Variants in CACNA1C observed in about 807,000 individuals in gnomAD.
CACNA1C encodes voltage-dependent L-type calcium channel subunit alpha-1C.
In CACNA1C, 30 loss-of-function variants were observed where a neutral mutation model predicts 229.0. The ratio of observed to expected loss-of-function variants is 0.13; its 90% CI spans 0.10 to 0.18. The LOEUF (loss-of-function observed/expected upper bound fraction) is 0.18. Among genes scored for constraint, CACNA1C ranks in the 10% least tolerant of loss-of-function variants. The pLI is 1.00. For synonymous variants in CACNA1C, 1,114 were observed against 1,132.5 expected, an observed-to-expected ratio of 0.98 and a Z score of 0.33; for missense variants, 1,658 against 2,845.0, an observed-to-expected ratio of 0.58 and a Z score of 9.49.
At position 2,688,988 on chromosome 12, in the gene CACNA1C, C is replaced by G. The variant is rs1269889451; in HGVS notation, c.6117+209C>G. Among the ~76,000 whole-genome samples, 5 of 152,288 alleles carry G rather than the reference C, an allele frequency of 3.3e-5. No individual in the cohort carries two copies. The South Asian group carries it at 1.0e-3, about 32-fold the overall frequency. ...TGCTATGGGCTCTCTTGAGGCTGGG[C>G]CCACTGCAGAGGGCGGCAGAAACCA... On this transcript the variant is annotated intron_variant, in intron 46 of 46. Transcript: ENST00000399655.
intron 3 of CACNA1C, among the ~76,000 whole-genome samples, chr12:2,173,525 A>G (rs985556729): frequency 2.6e-5 from 4 of 152,190 alleles, no homozygotes; most frequent in Admixed American, 1.3e-4. Flanking sequence ...CTTATGATCT[A>G]TGAGATGTAT....
intron 3 of CACNA1C, among the ~76,000 whole-genome samples, chr12:2,399,953 G>T (rs2098653699): frequency 6.6e-6 from 1 of 152,194 alleles, no homozygotes; most frequent in Non-Finnish European, 1.5e-5. Flanking sequence ...CCAGGGGTTT[G>T]ATTCCCCCTT....
intron 29 of CACNA1C, among the ~76,000 whole-genome samples, chr12:2,627,353 G>C (rs2087340410): frequency 6.6e-6 from 1 of 152,068 alleles, no homozygotes; most frequent in Non-Finnish European, 1.5e-5. Flanking sequence ...ATCTCTGCTT[G>C]GTGTCGGTTA....
chr12:2,232,967 C>T (rs1448921185), intron 3 of CACNA1C, among the ~76,000 whole-genome samples: 1 of 152,176 alleles, frequency 6.6e-6, no homozygotes. Flanking sequence ...TTTGGGACCA[C>T]AAGATATTCC....
At chr12:2,164,035 G>A (rs2096071249) in intron 3 of CACNA1C, among the ~76,000 whole-genome samples, 1 of 152,120 alleles carries the variant, frequency 6.6e-6, no homozygotes, top group African/African-American at 2.4e-5. Context: ...TCTATCCCTA[G>A]GGCCTGGAGT....
intron 3 of CACNA1C, among the ~76,000 whole-genome samples, chr12:2,353,935 T>C (rs1446198436): frequency 1.3e-5 from 2 of 152,182 alleles, no homozygotes; most frequent in Non-Finnish European, 2.9e-5. Flanking sequence ...GCAGTGGGCC[T>C]TCTGTGTGTG....
intron 3 of CACNA1C, among the ~76,000 whole-genome samples, chr12:2,279,120 T>C (rs915093916): frequency 6.6e-6 from 1 of 152,232 alleles, no homozygotes; most frequent in African/African-American, 2.4e-5. Flanking sequence ...TCTTTATATA[T>C]TCTGGCTGGC....
rs568735629 is a variant in CACNA1C at position 2,457,215 on chromosome 12, T to C, written c.618-352T>C. ...ACCTGGGAGGGGCGCTAGGATACCA[T>C]GGAGAAGCCGGAGGGCTCCTCAAGG... On this transcript the variant is annotated intron_variant, in intron 4 of 46. Coordinates refer to ENST00000399655, the MANE Select transcript of CACNA1C (RefSeq NM_000719.7). Among the ~76,000 whole-genome samples, 171 of 152,328 alleles carry C rather than the reference T, an allele frequency of 1.1e-3. 1 individual carries two copies. The highest frequency in any genetic ancestry group is 3.9e-3 in the African/African-American group (162 of 41,570).
rs1235798697 is a variant in CACNA1C, at chr12:2,283,914, G to A, written c.477+163484G>A. ...AGCAGATATTAGATATGGCTGGTGG[G>A]GAGGAGTAAGGAGGGCCTTGGCTAT... On this transcript the variant is annotated intron_variant, in intron 3 of 46. Coordinates refer to ENST00000399655, the MANE Select transcript of CACNA1C (RefSeq NM_000719.7). Among the ~76,000 whole-genome samples, 3 of 152,336 alleles carry A rather than the reference G, an allele frequency of 2.0e-5. No individual in the cohort carries two copies. In the East Asian group the frequency reaches 5.8e-4, roughly 29 times the overall value.
At chr12:2,248,622 C>A (rs2074306329) in intron 3 of CACNA1C, among the ~76,000 whole-genome samples, 1 of 152,202 alleles carries the variant, frequency 6.6e-6, no homozygotes, top group Non-Finnish European at 1.5e-5. Context: ...TGATCATCCC[C>A]AAGGCAGTGC....
chr12:2,164,658 G>A (rs548380721), intron 3 of CACNA1C, among the ~76,000 whole-genome samples: 1 of 152,338 alleles, frequency 6.6e-6, no homozygotes, highest in South Asian at 2.1e-4. Context: ...GAATGAGGGA[G>A]TGTTGAGTAG....
chr12:2,255,348 T>G (rs994406631), intron 3 of CACNA1C, among the ~76,000 whole-genome samples: 7 of 151,980 alleles, frequency 4.6e-5, no homozygotes, highest in Non-Finnish European at 8.8e-5. Context: ...GTGTGGAGTT[T>G]GCTAACAGAC....
intron 1 of CACNA1C, chr12:2,010,758 G>T (rs2044257191): frequency 1.3e-5 from 2 of 152,124 alleles, no homozygotes; most frequent in African/African-American, 4.8e-5. Flanking sequence ...GAGATCATTG[G>T]CTTAAAATGC....
At chr12:2,252,461 G>A (rs1451631787) in intron 3 of CACNA1C, among the ~76,000 whole-genome samples, 3 of 152,190 alleles carry the variant, frequency 2.0e-5, no homozygotes, top group Non-Finnish European at 4.4e-5. Context: ...CGTGCTGAGT[G>A]GAAGGTGGAA....
At position 2,348,202 on chromosome 12, in the gene CACNA1C, C is replaced by T. The variant is rs562985548; in HGVS notation, c.478-100774C>T. 3.9e-5 allele frequency among the ~76,000 whole-genome samples: 6 copies of T among 152,206 alleles called. No homozygotes were observed. Among genetic ancestry groups the T allele is most frequent in the Non-Finnish European group, 8.8e-5 (6 of 68,028 alleles). On this transcript the variant is annotated intron_variant, in intron 3 of 46. Coordinates refer to ENST00000399655, the MANE Select transcript of CACNA1C (RefSeq NM_000719.7). The surrounding 1 kb of genome is among the most constrained non-coding windows in gnomAD (Gnocchi z 4.7). Reference sequence around the variant, plus strand: ...CAGCCGGAGGAGCTGGGCAGTGCAGCGAGGCGCCAGCTGTGCCTGACTCCT... The same window carrying T: ...CAGCCGGAGGAGCTGGGCAGTGCAGTGAGGCGCCAGCTGTGCCTGACTCCT...
chr12:2,650,965 A>T (rs1191164073), intron 31 of CACNA1C: 1 of 152,740 alleles, frequency 6.5e-6, no homozygotes, highest in Non-Finnish European at 1.5e-5. Context: ...ACAGCTTCGG[A>T]GCAAGGGCTG....
At chr12:2,370,810 A>G (rs1486378518) in intron 3 of CACNA1C, among the ~76,000 whole-genome samples, 2 of 152,218 alleles carry the variant, frequency 1.3e-5, no homozygotes, top group Non-Finnish European at 2.9e-5. Context: ...TCACTGCCCC[A>G]GGCTTGGTGT....
chr12:2,605,582 TC>T lies in CACNA1C; in HGVS notation c.3049-93del, dbSNP rs2074942335. ...GCTTTGCCCCTCTCAGCCCAATTACTCCCCGTTGTGGCAAACGGGCTGCCCC... is the reference window on the plus strand; with the variant it reads ...GCTTTGCCCCTCTCAGCCCAATTACTCCCGTTGTGGCAAACGGGCTGCCCC... On this transcript the variant is annotated intron_variant, in intron 23 of 46. Transcript: ENST00000399655. The surrounding 1 kb of genome is among the most constrained non-coding windows in gnomAD (Gnocchi z 6.2). The T allele has an allele frequency of 1.2e-6, 1 of 835,178 alleles. No homozygotes were observed. The highest frequency in any genetic ancestry group is 1.7e-5 in the African/African-American group (1 of 59,842). The allele number at this position is 835,178 out of a possible 1,614,324, so 51.7% of individuals were successfully genotyped here. A position where few individuals can be genotyped will look rare whatever the true frequency, so the allele number is the denominator to read the frequency against.
intron 9 of CACNA1C, among the ~76,000 whole-genome samples, chr12:2,525,032 A>G (rs1223128783): frequency 6.6e-6 from 1 of 152,188 alleles, no homozygotes; most frequent in East Asian, 1.9e-4. Context: ...GGAATTGCAC[A>G]TGTTTCATGG....
Sources: gnomAD v4.1 joint callset for allele counts (sites outside exome capture counted in the v4.1 genomes callset) on GRCh38, gnomAD v4.1.1 for gene constraint, Gnocchi (gnomAD v3.1) non-coding constraint, MANE v1.5 for transcripts, NCBI Gene and HGNC (gene_info 2026-07-23, HGNC 2026-07-21) for gene names.